Variants in DDX10 observed in about 807,000 individuals in gnomAD.
The protein encoded by DDX10 is probable ATP-dependent RNA helicase DDX10.
DDX10 carries 74 observed loss-of-function variants against 104.3 expected under a neutral mutation model. The observed-to-expected ratio is 0.71, with a 90% confidence interval of 0.59 to 0.86. The LOEUF is 0.86. Ranked by LOEUF, DDX10 falls within the 40% of genes least tolerant of loss-of-function variation. The probability of loss-of-function intolerance (pLI) is 0.00; values close to 1 mark genes in which losing one functional copy is unlikely to be tolerated. For missense variants in DDX10, 952 were observed against 1,040.0 expected (o/e 0.92, Z 1.16); for synonymous variants, 351 against 353.4 (o/e 0.99, Z 0.08).
Position 108,820,139 on chromosome 11 carries a change from C to T in DDX10, c.1966-18307C>T, listed in dbSNP as rs146400871. 3.3e-3 allele frequency among the ~76,000 whole-genome samples: 510 copies of T among 152,268 alleles called. 5 individuals carry two copies. Among genetic ancestry groups the T allele is most frequent in the African/African-American group, 0.012 (491 of 41,552 alleles). On this transcript the variant is annotated intron_variant, in intron 13 of 17. Transcript: ENST00000322536. ...ATCATCTGTAAAATGCAGGCAGTTC[C>T]TCAAAAGGGTGGTTGTGCCGAGTAA... is the stretch of plus-strand genomic sequence containing the variant.
At chr11:108,711,731 G>A (rs145532000) in intron 10 of DDX10, among the ~76,000 whole-genome samples, 1 of 152,206 alleles carries the variant, frequency 6.6e-6, no homozygotes, top group African/African-American at 2.4e-5. Flanking sequence ...GGCCCAGAAT[G>A]TGTTTTATTT....
At chr11:108,805,436 G>A (rs1005717230) in intron 13 of DDX10, among the ~76,000 whole-genome samples, 2 of 152,160 alleles carry the variant, frequency 1.3e-5, no homozygotes, top group African/African-American at 4.8e-5. Context: ...TAGAATAAAA[G>A]TCTCAATAAA....
At chr11:108,795,844 T>C (rs1233544624) in intron 13 of DDX10, among the ~76,000 whole-genome samples, 2 of 152,204 alleles carry the variant, frequency 1.3e-5, no homozygotes, top group Non-Finnish European at 2.9e-5. Context: ...TTATAATCCT[T>C]TGGGTATATA....
At chr11:108,825,921 T>C (rs1862389783) in intron 13 of DDX10, among the ~76,000 whole-genome samples, 1 of 152,238 alleles carries the variant, frequency 6.6e-6, no homozygotes, top group Non-Finnish European at 1.5e-5. Flanking sequence ...GGAATAAATA[T>C]GAATTATCTA....
intron 6 of DDX10, among the ~76,000 whole-genome samples, chr11:108,684,367 C>G (rs1022808004): frequency 2.7e-5 from 3 of 109,512 alleles, no homozygotes; most frequent in African/African-American, 6.7e-5. Flanking sequence ...GACCCCACCA[C>G]AGTCCCCAGA....
chr11:108,799,645 A>G (rs1023701921), intron 13 of DDX10, among the ~76,000 whole-genome samples: 3 of 152,192 alleles, frequency 2.0e-5, no homozygotes, highest in African/African-American at 7.2e-5. Flanking sequence ...TCCCATTGAG[A>G]AAGGTCTAGT....
chr11:108,679,481 A>T lies in DDX10; in HGVS notation c.769A>T (p.Thr257Ser). 6.2e-7 allele frequency: 1 copy of T among 1,613,926 alleles called. No individual in the cohort carries two copies. The highest frequency in any genetic ancestry group is 8.5e-7 in the Non-Finnish European group (1 of 1,179,980). Residue 257 changes from threonine (T) to serine (S), a missense_variant, in exon 6 of 18, where the codon ACT becomes TCT. By Grantham distance (58) the Thr-to-Ser change is moderately conservative (BLOSUM62 1). Transcript: ENST00000322536. ...GACTTTACTTTTCTCAGCAACACAA[A>T]CTAAATCTGTAAAGGACCTTGCACG... The part of the protein sequence containing the change: ...RQTLLFSATQ[T>S]KSVKDLARLS...
chr11:108,780,922 G>T (rs1443301248), intron 13 of DDX10, among the ~76,000 whole-genome samples: 1 of 152,112 alleles, frequency 6.6e-6, no homozygotes, highest in Non-Finnish European at 1.5e-5. Flanking sequence ...AAAACTTTAT[G>T]CAGTAGTTTT....
intron 13 of DDX10, among the ~76,000 whole-genome samples, chr11:108,828,148 T>G (rs1219031841): frequency 6.6e-6 from 1 of 152,204 alleles, no homozygotes; most frequent in Non-Finnish European, 1.5e-5. Context: ...AGTTTATTAT[T>G]TGTTTTTAAT....
chr11:108,912,607 A>G (rs1253508748), intron 16 of DDX10, among the ~76,000 whole-genome samples: 3 of 152,178 alleles, frequency 2.0e-5, no homozygotes, highest in Non-Finnish European at 4.4e-5. Context: ...ACACACTGAC[A>G]TAACTGGGAA....
chr11:108,685,421 G>A lies in DDX10; in HGVS notation c.849-3515G>A, dbSNP rs1191663637. Among the ~76,000 whole-genome samples the A allele has an allele frequency of 5.3e-5, 8 of 151,460 alleles. No homozygotes were observed. The East Asian group carries it at 1.2e-3, about 22-fold the overall frequency. On this transcript the variant is annotated intron_variant, in intron 6 of 17. Transcript: ENST00000322536. ...ACGGTGCGCACACACACTGGCCTGC[G>A]CCCACTGTCTGGCACTCCCTAGTGA...
chr11:108,895,809 CCTG>C (rs1863432845), intron 16 of DDX10, among the ~76,000 whole-genome samples: 1 of 152,054 alleles, frequency 6.6e-6, no homozygotes, highest in Admixed American at 6.6e-5. Flanking sequence ...TTCCAATTGT[CCTG>C]CTTTCAGAAA....
intron 9 of DDX10, among the ~76,000 whole-genome samples, chr11:108,703,902 T>C (rs996726057): frequency 6.6e-6 from 1 of 152,248 alleles, no homozygotes; most frequent in Admixed American, 6.5e-5. Context: ...ATAGGTAAAA[T>C]GGCCAGTAAT....
intron 13 of DDX10, among the ~76,000 whole-genome samples, chr11:108,798,441 G>T (rs1591821096): frequency 6.6e-6 from 1 of 152,086 alleles, no homozygotes; most frequent in Admixed American, 6.5e-5. Context: ...CAGTAACTCT[G>T]TAATTCCTGG....
chr11:108,912,153 A>G (rs559495680), intron 16 of DDX10, among the ~76,000 whole-genome samples: 110 of 152,216 alleles, frequency 7.2e-4, no homozygotes, highest in Non-Finnish European at 1.3e-3. Flanking sequence ...TAAATTTAGT[A>G]TCTCCTGAGG....
intron 12 of DDX10, among the ~76,000 whole-genome samples, chr11:108,721,233 A>T (rs2094297983): frequency 6.6e-6 from 1 of 152,024 alleles, no homozygotes; most frequent in Admixed American, 6.6e-5. Flanking sequence ...TACATTTTTG[A>T]ACCTTTTAAA....
chr11:108,687,927 T>C (rs2094246842), intron 6 of DDX10, among the ~76,000 whole-genome samples: 1 of 152,226 alleles, frequency 6.6e-6, no homozygotes, highest in Non-Finnish European at 1.5e-5. Context: ...GGCATGTATA[T>C]GGATATATAA....
chr11:108,838,335 C>G (rs1591831761), intron 13 of DDX10, 111 bp from the exon 14 acceptor site: 1 of 1,117,650 alleles, frequency 8.9e-7, no homozygotes, highest in Non-Finnish European at 1.3e-6. Flanking sequence ...TCTCATTAGC[C>G]AATGAGTAAT....
intron 13 of DDX10, among the ~76,000 whole-genome samples, chr11:108,741,934 A>G (rs1051267336): frequency 6.6e-6 from 1 of 152,202 alleles, no homozygotes; most frequent in Non-Finnish European, 1.5e-5. Flanking sequence ...AAGTAAAATT[A>G]GAGCAGAACT....
Sources: gnomAD v4.1 joint callset for allele counts (sites outside exome capture counted in the v4.1 genomes callset) on GRCh38, gnomAD v4.1.1 for gene constraint, MANE v1.5 for transcripts, NCBI Gene and HGNC (gene_info 2026-07-23, HGNC 2026-07-21) for gene names.